KCNIP4: variants seen among roughly 807,000 people sequenced by gnomAD.
KCNIP4 encodes potassium voltage-gated channel interacting protein 4.
In KCNIP4, 12 loss-of-function variants were observed where a neutral mutation model predicts 34.0. The observed-to-expected ratio is 0.35, with a 90% CI of 0.23 to 0.57. The LOEUF (loss-of-function observed/expected upper bound fraction) is 0.57. KCNIP4 is among the 20% of genes least tolerant of loss of function. KCNIP4 has a pLI of 0.83. For missense variants in KCNIP4, 238 were observed against 311.7 expected, an observed-to-expected ratio of 0.76 and a Z score of 1.78; for synonymous variants, 124 against 102.2, an observed-to-expected ratio of 1.21 and a Z score of -1.29.
At chr4:20,815,685 G>A (rs1185584573) in intron 3 of KCNIP4, among the ~76,000 whole-genome samples, 1 of 152,046 alleles carries the variant, frequency 6.6e-6, no homozygotes, top group Middle Eastern at 3.2e-3. Context: ...AACCAATTAT[G>A]TATGAAATGT....
intron 1 of KCNIP4, among the ~76,000 whole-genome samples, chr4:21,326,482 A>G (rs558255650): frequency 4.0e-4 from 59 of 149,102 alleles, no homozygotes; most frequent in Admixed American, 1.0e-3. Context: ...TTTTCAGTCT[A>G]TATGTATCTT....
intron 1 of KCNIP4, among the ~76,000 whole-genome samples, chr4:21,190,110 A>C (rs1451176745): frequency 6.6e-6 from 1 of 152,208 alleles, no homozygotes; most frequent in Non-Finnish European, 1.5e-5. Flanking sequence ...CCACTCCTGA[A>C]TACTAATTTT....
intron 1 of KCNIP4, among the ~76,000 whole-genome samples, chr4:20,981,960 T>A (rs555248465): frequency 1.1e-4 from 16 of 152,290 alleles, no homozygotes; most frequent in Admixed American, 1.0e-3. Context: ...ATTTCTATGA[T>A]TCTAGTTGGG....
intron 4 of KCNIP4, among the ~76,000 whole-genome samples, chr4:20,756,295 C>T (rs746432466): frequency 6.6e-6 from 1 of 151,994 alleles, no homozygotes; most frequent in Non-Finnish European, 1.5e-5. Context: ...TAGATGGTTC[C>T]CTCTTGTCTT....
At chr4:21,937,834 G>A (rs1729949435) in intron 1 of KCNIP4, among the ~76,000 whole-genome samples, 1 of 151,930 alleles carries the variant, frequency 6.6e-6, no homozygotes, top group African/African-American at 2.4e-5. Context: ...CTCACCTGCA[G>A]CTATGCCACA....
At chr4:21,151,047 G>A (rs1752715940) in intron 1 of KCNIP4, among the ~76,000 whole-genome samples, 1 of 152,104 alleles carries the variant, frequency 6.6e-6, no homozygotes, top group South Asian at 2.1e-4. Context: ...TATAATATTA[G>A]AAGATTTATT....
At chr4:21,017,296 G>T (rs902082972) in intron 1 of KCNIP4, among the ~76,000 whole-genome samples, 4 of 152,136 alleles carry the variant, frequency 2.6e-5, no homozygotes, top group African/African-American at 4.8e-5. Flanking sequence ...CATCACCTGG[G>T]TATTAAGTCC....
intron 1 of KCNIP4, among the ~76,000 whole-genome samples, chr4:21,651,137 T>C (rs1355180487): frequency 6.6e-6 from 1 of 152,184 alleles, no homozygotes; most frequent in Non-Finnish European, 1.5e-5. Flanking sequence ...AATCTAATTA[T>C]GAGAGTGGTA....
At chr4:20,734,764 A>G (rs1560410055) in intron 5 of KCNIP4, 29 bp from the exon 6 acceptor site, 1 of 1,356,122 alleles carries the variant, frequency 7.4e-7, no homozygotes, top group Non-Finnish European at 1.0e-6. Context: ...TCAATTTTAT[A>G]TGACATTTTT....
At position 21,548,510 on chromosome 4, in the gene KCNIP4, T is replaced by C. The variant is rs567238879; in HGVS notation, c.61+400061A>G. Among the ~76,000 whole-genome samples the C allele has an allele frequency of 4.6e-5, 7 of 152,190 alleles. No homozygotes were observed. In the East Asian group the frequency reaches 1.2e-3, roughly 25 times the overall value. On this transcript the variant is annotated intron_variant, in intron 1 of 8. Coordinates refer to ENST00000382152, the MANE Select transcript of KCNIP4 (RefSeq NM_025221.6). ...TAACACATCACTGTTGCATATAAAA[T>C]GTATCTGCAAATATGTCTATAATGA...
At chr4:20,756,244 G>A (rs933439168) in intron 4 of KCNIP4, among the ~76,000 whole-genome samples, 16 of 151,694 alleles carry the variant, frequency 1.1e-4, no homozygotes, top group Non-Finnish European at 1.6e-4. Flanking sequence ...AGAAACAGTT[G>A]TCCCCTATAT....
intron 1 of KCNIP4, among the ~76,000 whole-genome samples, chr4:20,943,426 A>T (rs1010048274): frequency 2.0e-4 from 30 of 152,202 alleles, no homozygotes; most frequent in African/African-American, 6.5e-4. Context: ...AATGCTTAAG[A>T]GCTGGGTTTC....
rs577864499 is a variant in KCNIP4, at chr4:21,355,008, T to G, written c.62-472299A>C. On this transcript the variant is annotated intron_variant, in intron 1 of 8. Coordinates refer to ENST00000382152, the MANE Select transcript of KCNIP4 (RefSeq NM_025221.6). ...GATTAAGAAACTCACTCAAAATCAC[T>G]CAACTACATGGAAACTGAACAACCT... Among the ~76,000 whole-genome samples the G allele has an allele frequency of 5.3e-5, 8 of 152,134 alleles. No homozygotes were observed. In the South Asian group the frequency reaches 1.7e-3, roughly 32 times the overall value.
chr4:21,319,089 C>A (rs1429408685), intron 1 of KCNIP4, among the ~76,000 whole-genome samples: 3 of 152,154 alleles, frequency 2.0e-5, no homozygotes, highest in Non-Finnish European at 4.4e-5. Flanking sequence ...CGCTAAAATA[C>A]ATTCAACGAG....
chr4:21,328,454 G>A (rs936243188), intron 1 of KCNIP4, among the ~76,000 whole-genome samples: 1 of 152,170 alleles, frequency 6.6e-6, no homozygotes, highest in Non-Finnish European at 1.5e-5. Flanking sequence ...GGTGCCTGGA[G>A]CTGGGGGTGG....
chr4:21,047,395 A>G (rs946243898), intron 1 of KCNIP4, among the ~76,000 whole-genome samples: 16 of 152,292 alleles, frequency 1.1e-4, no homozygotes, highest in Non-Finnish European at 2.1e-4. Context: ...GATAGCTACC[A>G]TTTCATTGAG....
chr4:21,177,684 AAAAC>A (rs1026376689), intron 1 of KCNIP4, among the ~76,000 whole-genome samples: 3 of 151,320 alleles, frequency 2.0e-5, no homozygotes, highest in Non-Finnish European at 3.0e-5. Context: ...CAAACAAACA[AAAAC>A]AAACAAACAA....
At chr4:21,103,092 A>G (rs948654000) in intron 1 of KCNIP4, among the ~76,000 whole-genome samples, 2 of 151,982 alleles carry the variant, frequency 1.3e-5, no homozygotes, top group African/African-American at 4.8e-5. Context: ...ACTATCAATC[A>G]AATGGGGTGA....
At chr4:21,271,370 A>G (rs60994283) in intron 1 of KCNIP4, among the ~76,000 whole-genome samples, 39,032 of 152,194 alleles carry the variant, frequency 0.26, 5,190 homozygotes, top group South Asian at 0.35. Flanking sequence ...TTCAGTCTAG[A>G]CAAAGTAAAG....
Sources: allele counts gnomAD v4.1 joint callset (sites outside exome capture counted in the v4.1 genomes callset), GRCh38; gene constraint gnomAD v4.1.1; transcripts MANE v1.5; gene names NCBI Gene and HGNC (gene_info 2026-07-23, HGNC 2026-07-21).